COL22A1: variants seen among roughly 807,000 people sequenced by gnomAD.
COL22A1 encodes the protein collagen type XXII alpha 1 chain.
COL22A1 carries 221 observed loss-of-function variants against 248.9 expected under a neutral mutation model. The ratio of observed to expected loss-of-function variants is 0.89; its 90% CI spans 0.80 to 0.99. The LOEUF is 0.99. Among genes scored for constraint, COL22A1 ranks in the 50% least tolerant of loss-of-function variants. The probability of loss-of-function intolerance (pLI) is 0.00; values close to 1 mark genes in which losing one functional copy is unlikely to be tolerated. For synonymous variants in COL22A1, 891 were observed against 793.4 expected (o/e 1.12, Z -2.07); for missense variants, 2,240 against 2,179.0 (o/e 1.03, Z -0.56).
chr8:138,676,391 A>C (rs1208256692), intron 41 of COL22A1, among the ~76,000 whole-genome samples, 167 bp downstream of exon 41: 1 of 69,068 alleles, frequency 1.4e-5, no homozygotes, highest in South Asian at 6.0e-4. Context: ...GCGAGACTCC[A>C]TCTCAAAAAA....
At chr8:138,668,645 T>C (rs1033651393) in intron 41 of COL22A1, among the ~76,000 whole-genome samples, 9 of 152,230 alleles carry the variant, frequency 5.9e-5, no homozygotes, top group African/African-American at 1.9e-4. Flanking sequence ...GGCACAGATC[T>C]GAAAATAAAG....
Position 138,821,232 on chromosome 8 carries a change from C to A in COL22A1, c.1149G>T (p.Ala383=). The A allele has an allele frequency of 6.2e-7, 1 of 1,614,166 alleles. No homozygotes were observed. The highest frequency in any genetic ancestry group is 1.1e-5 in the South Asian group (1 of 91,070). The change falls in exon 7 of 65, where the codon GCG becomes GCT. Residue 383 remains alanine (A), a synonymous_variant. Transcript: ENST00000303045. ...CCTCGATGGGTAGTGTCTGCACCAG[C>A]GCACAGTCAATGTGCAGGGAGACGT... is the stretch of plus-strand genomic sequence containing the variant. ...AQNVSLHIDC[A]LVQTLPIEER... is the part of the protein sequence containing the mutation.
At chr8:138,739,508 C>G (rs1251459863) in intron 22 of COL22A1, among the ~76,000 whole-genome samples, 2 of 152,202 alleles carry the variant, frequency 1.3e-5, no homozygotes, top group African/African-American at 2.4e-5. Context: ...TAGTGCGGAT[C>G]CTCACCAGAT....
In COL22A1 at chr8:138,762,313, C is replaced by A. The variant is rs564218395; in HGVS notation, c.1857+100G>T. 3.2e-4 allele frequency: 375 copies of A among 1,182,760 alleles called. 2 individuals are homozygous for A. The African/African-American group carries it at 5.2e-3, about 16-fold the overall frequency. The allele number at this position is 1,182,760 out of a possible 1,614,324, so 73.3% of individuals were successfully genotyped here. Reference sequence around the variant, plus strand: ...AGCCTCCAGCTGAGCAAGGAGGAGGCCCAGGTGCTGAGGCTCTGTGGAGCT... The same window carrying A: ...AGCCTCCAGCTGAGCAAGGAGGAGGACCAGGTGCTGAGGCTCTGTGGAGCT... On this transcript the variant is annotated intron_variant, in intron 17 of 64. Coordinates refer to ENST00000303045, the MANE Select transcript of COL22A1 (RefSeq NM_152888.3).
chr8:138,906,037 C>A (rs1187396843), intron 1 of COL22A1, among the ~76,000 whole-genome samples: 1 of 152,098 alleles, frequency 6.6e-6, no homozygotes, highest in Non-Finnish European at 1.5e-5. Context: ...TAGGGGCTCC[C>A]ACAGACTCAT....
intron 30 of COL22A1, among the ~76,000 whole-genome samples, chr8:138,709,317 T>C (rs549928323): frequency 5.3e-4 from 81 of 152,162 alleles, no homozygotes; most frequent in Non-Finnish European, 8.4e-4. Flanking sequence ...TAAATCATGC[T>C]GCTATAAAGA....
chr8:138,765,846 C>A (rs1833875996), intron 16 of COL22A1, among the ~76,000 whole-genome samples: 1 of 152,188 alleles, frequency 6.6e-6, no homozygotes, highest in Admixed American at 6.5e-5. Context: ...GCTGTGTGTC[C>A]TCTCAGCAGA....
intron 22 of COL22A1, among the ~76,000 whole-genome samples, chr8:138,748,583 GC>G (rs1832325106): frequency 6.6e-6 from 1 of 152,154 alleles, no homozygotes; most frequent in Non-Finnish European, 1.5e-5. Context: ...TGTAATTGGA[GC>G]TCAATAAACA....
At chr8:138,742,994 TTGA>T (rs1212987358) in intron 22 of COL22A1, among the ~76,000 whole-genome samples, 25 of 139,238 alleles carry the variant, frequency 1.8e-4, no homozygotes, top group Middle Eastern at 4.7e-3. Flanking sequence ...GATGGTGGAG[TTGA>T]TGATGATGGT....
intron 19 of COL22A1, 109 bp from the exon 20 acceptor site, chr8:138,755,620 T>C: frequency 7.2e-7 from 1 of 1,388,004 alleles, no homozygotes; most frequent in Non-Finnish European, 1.0e-6. Flanking sequence ...TGTCATGTCG[T>C]GCCTCCTGAC....
intron 1 of COL22A1, among the ~76,000 whole-genome samples, chr8:138,903,751 G>A (rs902393054): frequency 2.7e-4 from 41 of 152,206 alleles, no homozygotes; most frequent in African/African-American, 9.7e-4. Flanking sequence ...TTTCAGCTAG[G>A]AGGTGGCAGG....
At chr8:138,763,741 C>T (rs75972357) in intron 16 of COL22A1, among the ~76,000 whole-genome samples, 4,652 of 152,254 alleles carry the variant, frequency 0.031, 223 homozygotes, top group African/African-American at 0.11. Context: ...CCTCCTATTC[C>T]CTCCGCTGCC....
chr8:138,761,344 C>T (rs1477799127), intron 17 of COL22A1, among the ~76,000 whole-genome samples: 1 of 152,144 alleles, frequency 6.6e-6, no homozygotes, highest in African/African-American at 2.4e-5. Context: ...ATACCATAGA[C>T]CATTAACTGG....
intron 12 of COL22A1, among the ~76,000 whole-genome samples, chr8:138,784,143 G>A (rs1815290046): frequency 6.6e-6 from 1 of 152,214 alleles, no homozygotes. Context: ...GGTTAAAAGA[G>A]GAAACACTGA....
chr8:138,818,576 A>C (rs1818862381), intron 7 of COL22A1, among the ~76,000 whole-genome samples: 1 of 152,148 alleles, frequency 6.6e-6, no homozygotes, highest in Non-Finnish European at 1.5e-5. Context: ...CCCAACTGCC[A>C]TTTGTTGGCT....
intron 12 of COL22A1, among the ~76,000 whole-genome samples, chr8:138,791,458 T>C (rs559876653): frequency 1.6e-4 from 24 of 152,292 alleles, no homozygotes; most frequent in Admixed American, 7.8e-4. Flanking sequence ...TTAAGGTCAA[T>C]TGCAAACTTA....
At chr8:138,895,593 G>C (rs963817224) in intron 1 of COL22A1, among the ~76,000 whole-genome samples, 1 of 152,000 alleles carries the variant, frequency 6.6e-6, no homozygotes, top group Non-Finnish European at 1.5e-5. Context: ...TGAAACAACA[G>C]ACCAATAGAA....
intron 9 of COL22A1, among the ~76,000 whole-genome samples, chr8:138,808,470 G>C (rs762764255): frequency 6.6e-5 from 10 of 152,170 alleles, no homozygotes; most frequent in Non-Finnish European, 1.2e-4. Context: ...AGCGGTTCAT[G>C]TAGTTATTGT....
intron 3 of COL22A1, among the ~76,000 whole-genome samples, chr8:138,858,632 C>T (rs1822222255): frequency 6.6e-6 from 1 of 152,190 alleles, no homozygotes; most frequent in African/African-American, 2.4e-5. Flanking sequence ...CCTCCAAACC[C>T]TGAGCTTCTA....
Sources: gnomAD v4.1 joint callset for allele counts (sites outside exome capture counted in the v4.1 genomes callset) on GRCh38, gnomAD v4.1.1 for gene constraint, MANE v1.5 for transcripts, NCBI Gene and HGNC (gene_info 2026-07-23, HGNC 2026-07-21) for gene names.